Variants in RB1 observed in about 807,000 individuals in gnomAD.
The protein encoded by RB1 is RB transcriptional corepressor 1.
Under a neutral mutation model 135.4 loss-of-function variants are expected in RB1, and 18 were observed. The ratio of observed to expected loss-of-function variants is 0.13; its 90% CI spans 0.09 to 0.20. The LOEUF (loss-of-function observed/expected upper bound fraction) is 0.20. RB1 is among the 10% of genes least tolerant of loss of function. The pLI is 1.00. For synonymous variants in RB1, 365 were observed against 373.2 expected (o/e 0.98, Z 0.25); for missense variants, 868 against 1,110.0 (o/e 0.78, Z 3.10).
intron 17 of RB1, among the ~76,000 whole-genome samples, chr13:48,389,198 G>GA (rs963786824): frequency 2.0e-5 from 3 of 151,614 alleles, no homozygotes; most frequent in Admixed American, 2.0e-4. Flanking sequence ...ATTAAAAACT[G>GA]AAAAAAAGGA....
intron 9 of RB1, among the ~76,000 whole-genome samples, chr13:48,365,828 G>C (rs1279863883): frequency 6.6e-6 from 1 of 152,206 alleles, no homozygotes; most frequent in Non-Finnish European, 1.5e-5. Context: ...GTGCTAGTGG[G>C]AGAGGCTGAC....
chr13:48,411,235 A>C, intron 17 of RB1: 1 of 662,696 alleles, frequency 1.5e-6, no homozygotes, highest in Non-Finnish European at 2.7e-6. Context: ...TTAATGCTTA[A>C]CACATTGAAT....
chr13:48,328,578 G>A, intron 2 of RB1: 1 of 652,876 alleles, frequency 1.5e-6, no homozygotes, highest in Non-Finnish European at 2.8e-6. Context: ...CCGCCGCATT[G>A]TTTTTTTAAG....
intron 8 of RB1, among the ~76,000 whole-genome samples, chr13:48,364,049 A>G (rs1952669139): frequency 1.3e-5 from 2 of 152,216 alleles, no homozygotes. Context: ...AAGTATTAGA[A>G]TGATTTATCA....
chr13:48,476,478 A>G, intron 24 of RB1: 1 of 494,212 alleles, frequency 2.0e-6, no homozygotes, highest in East Asian at 3.6e-5. Flanking sequence ...GGGAAAAGAC[A>G]GGAGGATTTA....
At chr13:48,429,252 A>T (rs1246106975) in intron 17 of RB1, 1 of 152,262 alleles carries the variant, frequency 6.6e-6, no homozygotes, top group African/African-American at 2.4e-5. Context: ...GGGCAACGTA[A>T]GAAACTAGAA....
At chr13:48,461,994 G>C (rs1010275442) in intron 20 of RB1, among the ~76,000 whole-genome samples, 2 of 151,816 alleles carry the variant, frequency 1.3e-5, no homozygotes, top group Non-Finnish European at 2.9e-5. Flanking sequence ...CACCACACCT[G>C]GCTAATTTCT....
chr13:48,409,864 C>A (rs897716730), intron 17 of RB1, among the ~76,000 whole-genome samples: 1 of 152,006 alleles, frequency 6.6e-6, no homozygotes, highest in East Asian at 1.9e-4. Flanking sequence ...CAGGTGTGAA[C>A]CACCGTGCCC....
chr13:48,317,126 GC>G, intron 2 of RB1: 1 of 908,078 alleles, frequency 1.1e-6, no homozygotes, highest in Non-Finnish European at 1.5e-6. Context: ...CAAAGACAGG[GC>G]TGGGCCCGGC....
At chr13:48,413,807 A>C (rs990112398) in intron 17 of RB1, among the ~76,000 whole-genome samples, 2 of 152,202 alleles carry the variant, frequency 1.3e-5, no homozygotes, top group Non-Finnish European at 2.9e-5. Context: ...TTACTTTCTA[A>C]GCACAAAATG....
chr13:48,325,285 C>T (rs1239713427), intron 2 of RB1, among the ~76,000 whole-genome samples: 1 of 152,136 alleles, frequency 6.6e-6, no homozygotes, highest in Non-Finnish European at 1.5e-5. Flanking sequence ...CCAGCTCTAT[C>T]CATGTCCCTG....
At chr13:48,345,733 A>G (rs1286401843) in intron 4 of RB1, among the ~76,000 whole-genome samples, 2 of 152,178 alleles carry the variant, frequency 1.3e-5, no homozygotes, top group Non-Finnish European at 2.9e-5. Context: ...CAAATGTTTC[A>G]GCCCTTAATT....
intron 17 of RB1, among the ~76,000 whole-genome samples, chr13:48,399,289 C>T (rs1427006250): frequency 6.6e-6 from 1 of 151,528 alleles, no homozygotes; most frequent in Admixed American, 6.6e-5. Context: ...ATCTTCTATA[C>T]GAATGCAAAA....
chr13:48,473,572 C>A (rs759612804), intron 24 of RB1, among the ~76,000 whole-genome samples, 182 bp downstream of exon 24: 2 of 152,112 alleles, frequency 1.3e-5, no homozygotes, highest in Non-Finnish European at 1.5e-5. Flanking sequence ...AATCTCAAAT[C>A]ATACTCCTAA....
At position 48,311,855 on chromosome 13, in the gene RB1, G is replaced by A. The variant is rs544943088; in HGVS notation, c.264+4449G>A. ...CGAGTAGCTGGGATTATAGGCATGC[G>A]CCACCACACCCGGCTAATTTTTGTA... On this transcript the variant is annotated intron_variant, in intron 2 of 26. Transcript: ENST00000267163. Among the ~76,000 whole-genome samples the A allele has an allele frequency of 3.7e-3, 557 of 152,234 alleles. 2 individuals are homozygous for A. Among genetic ancestry groups the A allele is most frequent in the Admixed American group, 6.7e-3 (102 of 15,288 alleles).
rs4151463 is a variant in RB1, at chr13:48,345,620, T to A, written c.500+421T>A. Among the ~76,000 whole-genome samples, 846 of 152,280 alleles carry A rather than the reference T, an allele frequency of 5.6e-3. 5 individuals are homozygous for A. The highest frequency in any genetic ancestry group is 0.01 in the Middle Eastern group (3 of 294). Reference sequence around the variant, plus strand: ...AAGTAATGATTTGTACTCCCAATGGTGGCTTAGAGGACTTTTTCCATTACA... The same window carrying A: ...AAGTAATGATTTGTACTCCCAATGGAGGCTTAGAGGACTTTTTCCATTACA... On this transcript the variant is annotated intron_variant, in intron 4 of 26. Transcript: ENST00000267163.
chr13:48,418,998 G>A (rs996072699), intron 17 of RB1, among the ~76,000 whole-genome samples: 6 of 152,066 alleles, frequency 3.9e-5, no homozygotes, highest in African/African-American at 1.4e-4. Flanking sequence ...AAATTAACAA[G>A]GATATTCAGG....
Position 48,362,813 on chromosome 13 carries a change from A to C in RB1, c.719-2A>C, listed in dbSNP as rs1952654925. 6.2e-7 allele frequency: 1 copy of C among 1,613,466 alleles called. No homozygotes were observed. Among genetic ancestry groups the C allele is most frequent in the Non-Finnish European group, 8.5e-7 (1 of 1,179,500 alleles). On this transcript the variant is annotated splice_acceptor_variant, in intron 7 of 26. Transcript: ENST00000267163. LOFTEE classifies it high-confidence loss of function. ...TTCTTATCTAATTTACCACTTTTAC[A>C]GAAACAGCTGTTATACCCATTAATG...
intron 3 of RB1, among the ~76,000 whole-genome samples, chr13:48,344,828 C>T (rs184173769): frequency 1.8e-3 from 276 of 152,194 alleles, no homozygotes; most frequent in African/African-American, 5.9e-3. Context: ...AATAAATATA[C>T]GCATATCTCT....
Sources: gnomAD v4.1 joint callset for allele counts (sites outside exome capture counted in the v4.1 genomes callset) on GRCh38, gnomAD v4.1.1 for gene constraint, MANE v1.5 for transcripts, NCBI Gene and HGNC (gene_info 2026-07-23, HGNC 2026-07-21) for gene names.